Variants in ENPP6 observed in about 807,000 individuals in gnomAD.
ENPP6 encodes the protein ectonucleotide pyrophosphatase/phosphodiesterase 6.
ENPP6 carries 32 observed loss-of-function variants against 42.0 expected under a neutral mutation model. The ratio of observed to expected loss-of-function variants is 0.76; its 90% confidence interval spans 0.58 to 1.02. ENPP6 has a LOEUF of 1.02. Ranked by LOEUF, ENPP6 falls within the 50% of genes least tolerant of loss-of-function variation. ENPP6 has a pLI of 0.00. For synonymous variants in ENPP6, 213 were observed against 216.0 expected, an observed-to-expected ratio of 0.99 and a Z score of 0.12; for missense variants, 552 against 566.8, an observed-to-expected ratio of 0.97 and a Z score of 0.27.
chr4:184,147,319 G>A (rs4452473), intron 2 of ENPP6, among the ~76,000 whole-genome samples: 147,404 of 152,252 alleles, frequency 0.97, 71,565 homozygotes, highest in East Asian at 1. Flanking sequence ...CCTGCTCTCC[G>A]GGTTTCTACA....
intron 2 of ENPP6, among the ~76,000 whole-genome samples, chr4:184,128,991 T>C (rs2111355441): frequency 6.6e-6 from 1 of 152,200 alleles, no homozygotes; most frequent in East Asian, 1.9e-4. Context: ...TAACTTGATG[T>C]AAAGAGGAAA....
chr4:184,181,252 C>T (rs1053323303), intron 1 of ENPP6, among the ~76,000 whole-genome samples: 9 of 152,160 alleles, frequency 5.9e-5, no homozygotes, highest in Non-Finnish European at 7.3e-5. Flanking sequence ...ACTGAACTCC[C>T]ATTCACAATT....
chr4:184,217,590 G>T lies in ENPP6; in HGVS notation c.230C>A (p.Thr77Asn), dbSNP rs764447229. 48 of 1,614,096 alleles carry T rather than the reference G, an allele frequency of 3.0e-5. No homozygotes were observed. Among genetic ancestry groups the T allele is most frequent in the South Asian group, 1.1e-4 (10 of 91,094 alleles). ...GACATGGTACTCACCAGTCATTAGG[G>T]TATAATAATTGGGATACGAGAGACT... ...FPSLSYPNYYTLMTGRHCEVH... is the reference protein window; with the variant it reads ...FPSLSYPNYYNLMTGRHCEVH... The change falls in exon 1 of 8, where the codon ACC (threonine) becomes AAC (asparagine). Residue 77 changes from threonine to asparagine, a missense_variant. Around this residue, in one of 2 missense-constraint regions of ENPP6, gnomAD observed 545 missense variants for 546.3 expected, o/e 1.00. Transcript: ENST00000296741.
chr4:184,195,290 T>C (rs887741096), intron 1 of ENPP6, among the ~76,000 whole-genome samples: 2 of 152,128 alleles, frequency 1.3e-5, no homozygotes, highest in African/African-American at 4.8e-5. Flanking sequence ...CACCCTCCGC[T>C]GTCCGATAGG....
intron 6 of ENPP6, among the ~76,000 whole-genome samples, chr4:184,104,901 GACAA>G (rs1736061156): frequency 1.3e-5 from 2 of 152,202 alleles, no homozygotes. Flanking sequence ...GTCCAAAACA[GACAA>G]ACAAATGTAG....
intron 1 of ENPP6, among the ~76,000 whole-genome samples, chr4:184,160,369 T>C (rs1168553531): frequency 6.6e-6 from 1 of 152,202 alleles, no homozygotes; most frequent in Non-Finnish European, 1.5e-5. Flanking sequence ...TGGTATTGCA[T>C]TGTGGTTTTG....
At chr4:184,151,047 G>A (rs1389568575) in intron 2 of ENPP6, among the ~76,000 whole-genome samples, 1 of 152,182 alleles carries the variant, frequency 6.6e-6, no homozygotes, top group Admixed American at 6.5e-5. Context: ...TTCTCCAAGA[G>A]GAGCTAAAAG....
At chr4:184,199,949 A>T in intron 1 of ENPP6, among the ~76,000 whole-genome samples, 1 of 152,102 alleles carries the variant, frequency 6.6e-6, no homozygotes, top group South Asian at 2.1e-4. Context: ...TGTGCTCCTA[A>T]TGTCTCAAAA....
chr4:184,155,004 C>T (rs1055120308), intron 1 of ENPP6, among the ~76,000 whole-genome samples: 5 of 152,122 alleles, frequency 3.3e-5, no homozygotes, highest in African/African-American at 9.7e-5. Context: ...TCATGCCCAT[C>T]CTCAAGAGAC....
At chr4:184,108,948 C>T (rs1447917960) in intron 6 of ENPP6, among the ~76,000 whole-genome samples, 3 of 152,346 alleles carry the variant, frequency 2.0e-5, no homozygotes, top group African/African-American at 4.8e-5. Flanking sequence ...CAGTGGCTCA[C>T]GCCTGTCATC....
chr4:184,162,721 T>G (rs1737287462), intron 1 of ENPP6, among the ~76,000 whole-genome samples: 1 of 152,158 alleles, frequency 6.6e-6, no homozygotes, highest in Non-Finnish European at 1.5e-5. Flanking sequence ...AGAGTTCACC[T>G]TCTTTGAAAG....
Position 184,116,388 on chromosome 4 carries a change from C to T in ENPP6, c.855+468G>A, listed in dbSNP as rs574354584. 2.0e-5 allele frequency among the ~76,000 whole-genome samples: 3 copies of T among 152,278 alleles called. No individual in the cohort carries two copies. In the East Asian group the frequency reaches 5.8e-4, roughly 30 times the overall value. On this transcript the variant is annotated intron_variant, in intron 5 of 7. Transcript: ENST00000296741. ...TCAGGGAGTGAGAGGTAAACTAGGT[C>T]ATCTGTCTCCAGCACCCGAGCTCCT...
chr4:184,131,097 A>G (rs143947051), intron 2 of ENPP6, among the ~76,000 whole-genome samples: 239 of 152,120 alleles, frequency 1.6e-3, no homozygotes, highest in African/African-American at 5.5e-3. Flanking sequence ...AATGTCAAAG[A>G]GTTTTGTAAA....
chr4:184,130,561 C>A (rs6845811), intron 2 of ENPP6, among the ~76,000 whole-genome samples: 79,020 of 81,992 alleles, frequency 0.96, 38,079 homozygotes, highest in East Asian at 0.99. Flanking sequence ...CCAAATCAAA[C>A]AAAACAAAAC....
chr4:184,114,474 A>C lies in ENPP6; in HGVS notation c.856-1665T>G, dbSNP rs150730133. On this transcript the variant is annotated intron_variant, in intron 5 of 7. Coordinates refer to ENST00000296741, the MANE Select transcript of ENPP6 (RefSeq NM_153343.4). ...TGAGTTATGATTTTCTACTTAAGGA[A>C]ATCCGGAGTTCTTAAGGAAAGGAGG... Among the ~76,000 whole-genome samples the C allele has an allele frequency of 4.2e-3, 642 of 152,338 alleles. 8 individuals are homozygous for C. The highest frequency in any genetic ancestry group is 0.014 in the African/African-American group (580 of 41,566).
chr4:184,121,921 G>A (rs1736420954), intron 3 of ENPP6, among the ~76,000 whole-genome samples: 1 of 152,164 alleles, frequency 6.6e-6, no homozygotes, highest in Non-Finnish European at 1.5e-5. Flanking sequence ...TAACACACAG[G>A]TTGGCTGAAG....
chr4:184,128,251 G>A (rs1736537671), intron 2 of ENPP6, among the ~76,000 whole-genome samples: 1 of 152,100 alleles, frequency 6.6e-6, no homozygotes, highest in East Asian at 1.9e-4. Context: ...CACGATCTCG[G>A]GTCACTGCAA....
intron 5 of ENPP6, among the ~76,000 whole-genome samples, chr4:184,116,149 G>A (rs1169626233): frequency 6.6e-6 from 1 of 152,158 alleles, no homozygotes; most frequent in Non-Finnish European, 1.5e-5. Flanking sequence ...CATGAACCCG[G>A]GAGGCAAAGC....
intron 2 of ENPP6, among the ~76,000 whole-genome samples, chr4:184,143,659 G>T (rs1306498743): frequency 6.6e-6 from 1 of 152,226 alleles, no homozygotes; most frequent in Non-Finnish European, 1.5e-5. Context: ...AATTCTCTGG[G>T]CAATCTGGAA....
Sources: allele counts gnomAD v4.1 joint callset (sites outside exome capture counted in the v4.1 genomes callset), GRCh38; gene constraint gnomAD v4.1.1; regional missense constraint gnomAD v4.1.1; transcripts MANE v1.5; gene names NCBI Gene and HGNC (gene_info 2026-07-23, HGNC 2026-07-21).